Variants in DNAJC2 observed in about 807,000 individuals in gnomAD.
The protein encoded by DNAJC2 is dnaJ homolog subfamily C member 2.
A neutral mutation model predicts 94.0 loss-of-function variants in DNAJC2; 32 were observed. The observed-to-expected ratio is 0.34, with a 90% CI of 0.26 to 0.46. The LOEUF (loss-of-function observed/expected upper bound fraction) is 0.46. Among genes scored for constraint, DNAJC2 ranks in the 20% least tolerant of loss-of-function variants. The pLI, the probability that DNAJC2 is intolerant of heterozygous loss-of-function variation, is 1.00. For synonymous variants in DNAJC2, 210 were observed against 229.7 expected (o/e 0.91, Z 0.77); for missense variants, 550 against 719.5 (o/e 0.76, Z 2.69).
At chr7:103,313,709 A>G (rs563865281) in intron 15 of DNAJC2, 4 of 985,410 alleles carry the variant, frequency 4.1e-6, no homozygotes, top group East Asian at 2.3e-4. Flanking sequence ...AACACTTCCA[A>G]TAACTGCTAT....
At chr7:103,316,309 C>T (rs1818052278) in intron 13 of DNAJC2, 3 of 368,028 alleles carry the variant, frequency 8.2e-6, no homozygotes, top group Non-Finnish European at 1.5e-5. Flanking sequence ...TAAGTCCATA[C>T]ATCTTACAGA....
chr7:103,332,352 T>C (rs761653853), intron 3 of DNAJC2, among the ~76,000 whole-genome samples: 13 of 152,216 alleles, frequency 8.5e-5, no homozygotes, highest in Non-Finnish European at 1.2e-4. Flanking sequence ...TTTTTCATTA[T>C]ATTAATAGGA....
chr7:103,334,470 G>C (rs1426822058), intron 3 of DNAJC2, among the ~76,000 whole-genome samples: 2 of 151,882 alleles, frequency 1.3e-5, no homozygotes, highest in Non-Finnish European at 2.9e-5. Context: ...GGCTGAGGCA[G>C]AAGAATGAGG....
chr7:103,338,866 C>T (rs373934093), intron 2 of DNAJC2, among the ~76,000 whole-genome samples: 6 of 151,778 alleles, frequency 4.0e-5, no homozygotes, highest in African/African-American at 7.3e-5. Flanking sequence ...GCCAAGACTG[C>T]GCCACTGCAC....
At chr7:103,334,533 G>A (rs563365348) in intron 3 of DNAJC2, among the ~76,000 whole-genome samples, 10 of 150,568 alleles carry the variant, frequency 6.6e-5, no homozygotes, top group African/African-American at 1.7e-4. Flanking sequence ...CCAAGATCAC[G>A]CGACTGCACT....
At chr7:103,343,845 G>C (rs1416781898) in intron 1 of DNAJC2, among the ~76,000 whole-genome samples, 1 of 152,112 alleles carries the variant, frequency 6.6e-6, no homozygotes, top group African/African-American at 2.4e-5. Flanking sequence ...GAGGCACACG[G>C]AGACACATAA....
At chr7:103,325,345 G>A (rs1473791553) in intron 5 of DNAJC2, among the ~76,000 whole-genome samples, 1 of 152,022 alleles carries the variant, frequency 6.6e-6, no homozygotes, top group Non-Finnish European at 1.5e-5. Flanking sequence ...GCTGAGGCAG[G>A]AGAATTGCTT....
chr7:103,323,832 C>A (rs1385012549), intron 6 of DNAJC2, among the ~76,000 whole-genome samples, 169 bp from the exon 7 acceptor site: 1 of 152,162 alleles, frequency 6.6e-6, no homozygotes, highest in Non-Finnish European at 1.5e-5. Flanking sequence ...GTATGAAAAT[C>A]TAAAATGCAC....
At chr7:103,340,487 G>A (rs1819335566) in intron 2 of DNAJC2, among the ~76,000 whole-genome samples, 1 of 152,172 alleles carries the variant, frequency 6.6e-6, no homozygotes. Context: ...CATTTATCAT[G>A]CAGCAAGTAC....
At chr7:103,324,639 A>G in intron 5 of DNAJC2, 77 bp from the exon 6 acceptor site, 2 of 1,207,376 alleles carry the variant, frequency 1.7e-6, no homozygotes, top group Non-Finnish European at 2.2e-6. Context: ...TTAATTTATT[A>G]AAAACAATAA....
intron 12 of DNAJC2, among the ~76,000 whole-genome samples, chr7:103,318,160 A>T (rs1249356654): frequency 6.8e-6 from 1 of 146,416 alleles, no homozygotes; most frequent in Non-Finnish European, 1.5e-5. Flanking sequence ...TCCCCATAAC[A>T]TTTTTTTTTT....
chr7:103,329,105 T>G, intron 3 of DNAJC2: 1 of 597,488 alleles, frequency 1.7e-6, no homozygotes, highest in Non-Finnish European at 2.5e-6. Context: ...TTGTTTTTCA[T>G]CCTTTAACTG....
Position 103,316,969 on chromosome 7 carries a change from C to T in DNAJC2, c.1288G>A (p.Glu430Lys), listed in dbSNP as rs750698825. The change falls in exon 13 of 17, where the codon GAG (glutamate) becomes AAG (lysine). Residue 430 changes from glutamate (E) to lysine (K), a missense_variant. Glu to Lys is a moderately conservative substitution (Grantham distance 56). Around this residue, in one of 2 missense-constraint regions of DNAJC2, gnomAD observed 271 missense variants for 302.6 expected, o/e 0.90. Transcript: ENST00000379263. The stretch of plus-strand genomic sequence containing the variant: ...TTAGATGCTTGTCGCATACGAGCCT[C>T]AGCTTCCTCTTTCTCTTTTCTGATT... ...EQIRKEKEEA[E>K]ARMRQASKNT... 1.2e-6 allele frequency: 2 copies of T among 1,613,938 alleles called. No individual in the cohort carries two copies. Among genetic ancestry groups the T allele is most frequent in the South Asian group, 2.2e-5 (2 of 91,052 alleles).
intron 3 of DNAJC2, 38 bp downstream of exon 3, chr7:103,337,698 C>T (rs1207456765): frequency 1.3e-6 from 2 of 1,504,890 alleles, no homozygotes; most frequent in Non-Finnish European, 1.8e-6. Context: ...TGTTCCTATA[C>T]AAGATATTTG....
At chr7:103,332,798 A>AT (rs935539004) in intron 3 of DNAJC2, among the ~76,000 whole-genome samples, 13 of 151,956 alleles carry the variant, frequency 8.6e-5, no homozygotes, top group Non-Finnish European at 1.6e-4. Context: ...TAATTTTTGT[A>AT]TTTTTTGTAG....
Position 103,320,021 on chromosome 7 carries a change from A to G in DNAJC2, c.1084-177T>C, listed in dbSNP as rs148077765. Among the ~76,000 whole-genome samples, 575 of 152,306 alleles carry G rather than the reference A, an allele frequency of 3.8e-3. 4 individuals carry two copies. Among genetic ancestry groups the G allele is most frequent in the African/African-American group, 0.014 (566 of 41,566 alleles). On this transcript the variant is annotated intron_variant, in intron 10 of 16. Coordinates refer to ENST00000379263, the MANE Select transcript of DNAJC2 (RefSeq NM_014377.3). ...TGCACTCCAGCCTGGACAACAGAGCAAGACTCCATCTCAAAAAAACAGACA... is the reference window on the plus strand; with the variant it reads ...TGCACTCCAGCCTGGACAACAGAGCGAGACTCCATCTCAAAAAAACAGACA...
chr7:103,332,461 TTATGATTAA>T (rs1586103885), intron 3 of DNAJC2, among the ~76,000 whole-genome samples: 1 of 152,216 alleles, frequency 6.6e-6, no homozygotes, highest in East Asian at 1.9e-4. Context: ...CCAAAACAGT[TTATGATTAA>T]CCGATTCTCC....
intron 3 of DNAJC2, among the ~76,000 whole-genome samples, chr7:103,333,825 T>C (rs1819063357): frequency 6.6e-6 from 1 of 152,246 alleles, no homozygotes; most frequent in Admixed American, 6.5e-5. Flanking sequence ...CAATTTGTTC[T>C]TTTAAAAATT....
chr7:103,340,316 C>T (rs1278829535), intron 2 of DNAJC2, among the ~76,000 whole-genome samples: 2 of 152,174 alleles, frequency 1.3e-5, no homozygotes, highest in East Asian at 3.8e-4. Flanking sequence ...CCATGCTCCC[C>T]AATGTTGTCT....
Sources: gnomAD v4.1 joint callset for allele counts (sites outside exome capture counted in the v4.1 genomes callset) on GRCh38, gnomAD v4.1.1 for gene constraint, gnomAD v4.1.1 regional missense constraint, MANE v1.5 for transcripts, NCBI Gene and HGNC (gene_info 2026-07-23, HGNC 2026-07-21) for gene names.